The following LARP6 variants were observed in gnomAD, a reference collection of about 807,000 sequenced individuals.
LARP6 encodes the protein La ribonucleoprotein 6, translational regulator.
A neutral mutation model predicts 32.8 loss-of-function variants in LARP6; 18 were observed. The ratio of observed to expected loss-of-function variants is 0.55; its 90% CI spans 0.38 to 0.81. The LOEUF (loss-of-function observed/expected upper bound fraction) is 0.81, where lower values mean the gene tolerates loss of function less well. LARP6 is among the 40% of genes least tolerant of loss of function. LARP6 has a pLI of 0.00. For missense variants in LARP6, 598 were observed against 663.1 expected, an observed-to-expected ratio of 0.90 and a Z score of 1.08; for synonymous variants, 289 against 267.2, an observed-to-expected ratio of 1.08 and a Z score of -0.80.
Position 70,832,177 on chromosome 15 carries a change from T to G in LARP6, c.1351A>C (p.Ser451Arg). ...MGTQEKSPGT[S>R]PLLSRKMQTA... ...TGCATCTTCCGGGAGAGCAGGGGAC[T>G]CGTACCGGGGCTTTTCTCCTGGGTC... Residue 451 changes from serine to arginine, a missense_variant, in exon 3 of 3, where the codon AGT (serine) becomes CGT (arginine). Coordinates refer to ENST00000299213, the MANE Select transcript of LARP6 (RefSeq NM_018357.4). 1 of 1,613,934 alleles carries G rather than the reference T, an allele frequency of 6.2e-7. No homozygotes were observed. Among genetic ancestry groups the G allele is most frequent in the Non-Finnish European group, 8.5e-7 (1 of 1,179,898 alleles).
At chr15:70,842,530 C>A (rs976038302) in intron 1 of LARP6, among the ~76,000 whole-genome samples, 1 of 152,180 alleles carries the variant, frequency 6.6e-6, no homozygotes, top group East Asian at 1.9e-4. Flanking sequence ...AACTGCATGC[C>A]AGACATTTCC....
intron 1 of LARP6, among the ~76,000 whole-genome samples, chr15:70,840,927 T>TTC (rs1555422918): frequency 6.6e-6 from 1 of 151,554 alleles, no homozygotes; most frequent in Admixed American, 6.6e-5. Flanking sequence ...TTTTTTTTTT[T>TTC]TTAAGAGACA....
At chr15:70,852,256 A>G (rs753205139) in intron 1 of LARP6, 2 of 455,484 alleles carry the variant, frequency 4.4e-6, no homozygotes, top group African/African-American at 4.0e-5. Context: ...TCTGGGGTCA[A>G]CTCTATGCCA....
rs539755128 is a variant in LARP6 at position 70,831,809 on chromosome 15, C to A, written c.*243G>T. The A allele has an allele frequency of 4.6e-5, 16 of 347,092 alleles. No individual in the cohort carries two copies. Among genetic ancestry groups the A allele is most frequent in the African/African-American group, 2.9e-4 (14 of 47,608 alleles). 21.5% of individuals were successfully genotyped at this position (347,092 alleles called of 1,614,324 possible). ...CAGCCCTTCAGGGCCATCACACTCA[C>A]ACACATCAGCCATCATCAAAATAGT... On this transcript the variant is annotated 3_prime_UTR_variant, in exon 3 of 3. Transcript: ENST00000299213.
Position 70,830,912 on chromosome 15 carries a change from C to T in LARP6, c.*1140G>A, listed in dbSNP as rs1359540731. 6.6e-6 allele frequency: 1 copy of T among 152,180 alleles called. No homozygotes were observed. Among genetic ancestry groups the T allele is most frequent in the African/African-American group, 2.4e-5 (1 of 41,428 alleles). 9.4% of individuals were successfully genotyped at this position (152,180 alleles called of 1,614,324 possible). On this transcript the variant is annotated 3_prime_UTR_variant, in exon 3 of 3. Transcript: ENST00000299213. ...GGGCCAGCTGCATTCCAGACATGGA[C>T]ATCGTAACAAAGCAATTCACAGGGA...
intron 1 of LARP6, chr15:70,851,560 G>T: frequency 6.4e-7 from 1 of 1,558,046 alleles, no homozygotes; most frequent in Non-Finnish European, 8.7e-7. Flanking sequence ...TCACTGTCTA[G>T]GGAAGGGGAA....
intron 1 of LARP6, among the ~76,000 whole-genome samples, chr15:70,838,922 A>AAAAAAAG (rs1268192812): frequency 4.0e-5 from 6 of 151,718 alleles, no homozygotes; most frequent in African/African-American, 1.4e-4. Context: ...CAAAAAAAAA[A>AAAAAAAG]AAAAAGAAAA....
intron 1 of LARP6, among the ~76,000 whole-genome samples, chr15:70,841,520 T>C (rs1051042758): frequency 1.3e-5 from 2 of 152,172 alleles, no homozygotes; most frequent in Non-Finnish European, 2.9e-5. Context: ...GATCTCACGT[T>C]GAATTGTAAT....
At chr15:70,846,545 G>A (rs1236516570) in intron 1 of LARP6, among the ~76,000 whole-genome samples, 1 of 151,998 alleles carries the variant, frequency 6.6e-6, no homozygotes, top group Non-Finnish European at 1.5e-5. Context: ...GGAGGTCGAG[G>A]CTACAGTAAG....
chr15:70,840,932 G>A (rs1171332367), intron 1 of LARP6, among the ~76,000 whole-genome samples: 2 of 125,494 alleles, frequency 1.6e-5, no homozygotes, highest in Non-Finnish European at 3.5e-5. Flanking sequence ...TTTTTTTTAA[G>A]AGACAGAGTC....
intron 1 of LARP6, among the ~76,000 whole-genome samples, chr15:70,850,991 C>T (rs2032437326): frequency 6.6e-6 from 1 of 152,062 alleles, no homozygotes; most frequent in African/African-American, 2.4e-5. Context: ...TCAACCCAGA[C>T]CATATTCTGG....
Position 70,846,832 on chromosome 15 carries a change from G to C in LARP6, c.200+7057C>G, listed in dbSNP as rs186776699. Among the ~76,000 whole-genome samples the C allele has an allele frequency of 7.9e-5, 12 of 152,226 alleles. No homozygotes were observed. The East Asian group carries it at 2.3e-3, about 29-fold the overall frequency. ...TTCTGGACTCTGTGCCTTTGAGCTTGCTGTTCCTGTCTCTGAATGCCTTGC... is the reference window on the plus strand; with the variant it reads ...TTCTGGACTCTGTGCCTTTGAGCTTCCTGTTCCTGTCTCTGAATGCCTTGC... On this transcript the variant is annotated intron_variant, in intron 1 of 2. Transcript: ENST00000299213.
chr15:70,832,902 A>C lies in LARP6; in HGVS notation c.626T>G (p.Val209Gly), dbSNP rs1567019900. 6.2e-7 allele frequency: 1 copy of C among 1,605,212 alleles called. No individual in the cohort carries two copies. The highest frequency in any genetic ancestry group is 8.5e-7 in the Non-Finnish European group (1 of 1,176,152). The change falls in exon 3 of 3, where the codon GTG (valine) becomes GGG (glycine). Residue 209 changes from valine (V) to glycine (G), a missense_variant. Val to Gly is a moderately radical substitution (Grantham distance 109). Transcript: ENST00000299213. Reference protein sequence around the residue: ...ALATPQKNGRVQEKVMEHLLK... With the variant: ...ALATPQKNGRGQEKVMEHLLK... ...CAGGTGTTCCATCACCTTCTCTTGC[A>C]CCCTTCCATTCTTCTGGGGGGTGGC...
chr15:70,846,655 A>ACATACATAAT (rs1567023102), intron 1 of LARP6, among the ~76,000 whole-genome samples: 11 of 89,244 alleles, frequency 1.2e-4, no homozygotes, highest in South Asian at 3.8e-4. Context: ...CATACATAAT[A>ACATACATAAT]AAAAAAAAAC....
At chr15:70,849,536 A>C (rs1214196863) in intron 1 of LARP6, 1 of 152,258 alleles carries the variant, frequency 6.6e-6, no homozygotes, top group Admixed American at 6.5e-5. Context: ...ATTACTGTGG[A>C]AATGGCTGAA....
rs117805122 is a variant in LARP6, at chr15:70,847,986, T to C, written c.200+5903A>G. 1.6e-4 allele frequency among the ~76,000 whole-genome samples: 25 copies of C among 151,986 alleles called. No homozygotes were observed. The East Asian group carries it at 4.7e-3, about 28-fold the overall frequency. On this transcript the variant is annotated intron_variant, in intron 1 of 2. Transcript: ENST00000299213. Reference sequence around the variant, plus strand: ...GAAAAACACTAGGGTCCAGGTCCTGTCTGTGTGAGATTTCTTTTGACTCAC... The same window carrying C: ...GAAAAACACTAGGGTCCAGGTCCTGCCTGTGTGAGATTTCTTTTGACTCAC...
At chr15:70,838,526 G>T (rs528755674) in intron 1 of LARP6, among the ~76,000 whole-genome samples, 1 of 151,974 alleles carries the variant, frequency 6.6e-6, no homozygotes, top group African/African-American at 2.4e-5. Flanking sequence ...ATCCCATCAC[G>T]GGGTCTCTTC....
At chr15:70,835,058 G>A (rs2032122611) in intron 2 of LARP6, among the ~76,000 whole-genome samples, 1 of 152,200 alleles carries the variant, frequency 6.6e-6, no homozygotes, top group Admixed American at 6.5e-5. Context: ...ATAAAGAGAC[G>A]TGCTGGATGA....
In LARP6 at chr15:70,853,955, T is replaced by A. The variant is rs1567025316; in HGVS notation, c.134A>T (p.Asp45Val). 2 of 1,449,830 alleles carry A rather than the reference T, an allele frequency of 1.4e-6. No homozygotes were observed. The highest frequency in any genetic ancestry group is 2.5e-5 in the Admixed American group (1 of 40,658). The allele number at this position is 1,449,830 out of a possible 1,614,324, so 89.8% of individuals were successfully genotyped here. The change falls in exon 1 of 3, where the codon GAC (aspartate) becomes GTC (valine). Residue 45 changes from aspartate (D) to valine (V), a missense_variant. Physicochemically the swap from Asp to Val is radical, Grantham distance 152 (BLOSUM62 -3). Transcript: ENST00000299213. ...GCCGGGGCTGAGGTACCGGGCCGGG[T>A]CCCCGGCGCCCCGAGTCTCCGCCCC... ...EEGAETRGAG[D>V]PARYLSPGWG...
Sources: allele counts gnomAD v4.1 joint callset (sites outside exome capture counted in the v4.1 genomes callset), GRCh38; gene constraint gnomAD v4.1.1; transcripts MANE v1.5; gene names NCBI Gene and HGNC (gene_info 2026-07-23, HGNC 2026-07-21).